The following HDAC9 variants were observed in gnomAD, a reference collection of about 807,000 sequenced individuals.
HDAC9 encodes the protein histone deacetylase 9, also known as MEF-2 interacting transcription repressor (MITR) protein.
A neutral mutation model predicts 139.4 loss-of-function variants in HDAC9; 41 were observed. The observed-to-expected ratio is 0.29, with a 90% CI of 0.23 to 0.38. The LOEUF is 0.38. Ranked by LOEUF, HDAC9 falls within the 10% of genes least tolerant of loss-of-function variation. The pLI, the probability that HDAC9 is intolerant of heterozygous loss-of-function variation, is 1.00. For synonymous variants in HDAC9, 517 were observed against 476.2 expected (o/e 1.09, Z -1.12); for missense variants, 1,147 against 1,297.0 (o/e 0.88, Z 1.78).
chr7:18,597,224 T>G (rs1832743984), intron 6 of HDAC9, among the ~76,000 whole-genome samples: 1 of 152,200 alleles, frequency 6.6e-6, no homozygotes, highest in African/African-American at 2.4e-5. Flanking sequence ...ATGGAGTGAC[T>G]TCTCCTCCTT....
At chr7:18,469,959 T>C (rs1794600350) in intron 1 of HDAC9, among the ~76,000 whole-genome samples, 1 of 152,186 alleles carries the variant, frequency 6.6e-6, no homozygotes, top group Admixed American at 6.5e-5. Context: ...AGAAACTTAA[T>C]GGAGGTGATC....
intron 25 of HDAC9, among the ~76,000 whole-genome samples, chr7:18,994,890 G>T (rs965762528): frequency 6.6e-6 from 1 of 152,092 alleles, no homozygotes; most frequent in African/African-American, 2.4e-5. Flanking sequence ...TAAACATTAT[G>T]AAGAAGAAAA....
At chr7:18,989,691 C>T (rs1039883233) in intron 25 of HDAC9, among the ~76,000 whole-genome samples, 11 of 148,106 alleles carry the variant, frequency 7.4e-5, no homozygotes, top group Admixed American at 6.1e-4. Context: ...TCAGGTACAC[C>T]AATCAGACGT....
intron 17 of HDAC9, among the ~76,000 whole-genome samples, chr7:18,809,961 A>G (rs1794045527): frequency 6.6e-6 from 1 of 151,952 alleles, no homozygotes; most frequent in Non-Finnish European, 1.5e-5. Flanking sequence ...AAGATACGGA[A>G]AAAACCTAAA....
intron 2 of HDAC9, among the ~76,000 whole-genome samples, chr7:18,205,641 A>T (rs1437573438): frequency 6.6e-6 from 1 of 152,114 alleles, no homozygotes; most frequent in Non-Finnish European, 1.5e-5. Flanking sequence ...TATCTACAAA[A>T]TAACTTAGAA....
intron 1 of HDAC9, among the ~76,000 whole-genome samples, chr7:18,105,990 T>C (rs1290506407): frequency 6.6e-6 from 1 of 152,182 alleles, no homozygotes; most frequent in East Asian, 1.9e-4. Context: ...GGCCACATGC[T>C]ATTTTATTCA....
At chr7:18,574,376 C>T (rs1825314559) in intron 2 of HDAC9, among the ~76,000 whole-genome samples, 1 of 152,226 alleles carries the variant, frequency 6.6e-6, no homozygotes, top group African/African-American at 2.4e-5. Context: ...TGGCTGAGTC[C>T]AGGGTCGTTA....
intron 2 of HDAC9, among the ~76,000 whole-genome samples, chr7:18,250,998 A>G (rs1562794597): frequency 2.0e-5 from 3 of 152,140 alleles, no homozygotes; most frequent in East Asian, 3.9e-4. Context: ...CAGCAATCCC[A>G]TTACTGGATA....
At chr7:18,452,813 T>G (rs893553344) in intron 1 of HDAC9, among the ~76,000 whole-genome samples, 6 of 152,300 alleles carry the variant, frequency 3.9e-5, no homozygotes, top group African/African-American at 1.2e-4. Flanking sequence ...TCACTGTGAT[T>G]GTGAGGCCTC....
At chr7:18,428,084 A>C (rs753807194) in intron 1 of HDAC9, among the ~76,000 whole-genome samples, 1 of 152,198 alleles carries the variant, frequency 6.6e-6, no homozygotes, top group Non-Finnish European at 1.5e-5. Context: ...TTAAGGCTGA[A>C]TAATATTCCT....
intron 1 of HDAC9, among the ~76,000 whole-genome samples, chr7:18,446,448 A>G (rs1792304635): frequency 6.6e-6 from 1 of 152,188 alleles, no homozygotes; most frequent in Admixed American, 6.5e-5. Flanking sequence ...TTAGGGATAC[A>G]CTTTTGAGTT....
intron 12 of HDAC9, chr7:18,667,911 C>A: frequency 1.0e-6 from 1 of 981,084 alleles, no homozygotes; most frequent in Non-Finnish European, 1.2e-6. Context: ...GTATTAAGAC[C>A]CCTTTAATAT....
chr7:18,441,587 G>A (rs1315220307), intron 1 of HDAC9, among the ~76,000 whole-genome samples: 2 of 152,200 alleles, frequency 1.3e-5, no homozygotes, highest in African/African-American at 4.8e-5. Flanking sequence ...ATTGCAAATT[G>A]TGTTACATTC....
intron 1 of HDAC9, among the ~76,000 whole-genome samples, chr7:18,345,582 A>C (rs1243452883): frequency 6.6e-6 from 1 of 151,886 alleles, no homozygotes; most frequent in Non-Finnish European, 1.5e-5. Flanking sequence ...CAAAAAAAAA[A>C]AAAAAACTAC....
At chr7:18,151,634 C>G (rs941488131) in intron 1 of HDAC9, 1 of 152,168 alleles carries the variant, frequency 6.6e-6, no homozygotes, top group Non-Finnish European at 1.5e-5. Context: ...GTTCCCTCTT[C>G]TGGCAGGAGG....
intron 8 of HDAC9, among the ~76,000 whole-genome samples, chr7:18,643,960 C>A (rs912780475): frequency 6.6e-5 from 10 of 151,804 alleles, no homozygotes; most frequent in Admixed American, 5.3e-4. Flanking sequence ...CCATATTAGG[C>A]CACATGTGGG....
intron 2 of HDAC9, among the ~76,000 whole-genome samples, chr7:18,272,928 A>G (rs762944592): frequency 3.6e-4 from 18 of 50,082 alleles, no homozygotes; most frequent in African/African-American, 7.7e-4. Flanking sequence ...TACTACTACT[A>G]CTACTACTAC....
At chr7:18,583,399 G>T (rs1455409192) in intron 2 of HDAC9, among the ~76,000 whole-genome samples, 3 of 152,058 alleles carry the variant, frequency 2.0e-5, no homozygotes, top group South Asian at 2.1e-4. Flanking sequence ...AAAGACTGAA[G>T]CATTTTGTTT....
At chr7:18,793,953 C>G (rs965397929) in intron 17 of HDAC9, among the ~76,000 whole-genome samples, 3 of 152,108 alleles carry the variant, frequency 2.0e-5, no homozygotes, top group Non-Finnish European at 4.4e-5. Flanking sequence ...CATGAAAGAA[C>G]TTAAAAAATG....
Sources: allele counts gnomAD v4.1 joint callset (sites outside exome capture counted in the v4.1 genomes callset), GRCh38; gene constraint gnomAD v4.1.1; transcripts MANE v1.5; gene names NCBI Gene and HGNC (gene_info 2026-07-23, HGNC 2026-07-21).